YIPF2: variants seen among roughly 807,000 people sequenced by gnomAD.
The protein encoded by YIPF2 is Yip1 domain family member 2, also known as protein YIPF2.
A neutral mutation model predicts 38.8 loss-of-function variants in YIPF2; 30 were observed. The ratio of observed to expected loss-of-function variants is 0.77; its 90% confidence interval spans 0.58 to 1.05. The LOEUF is 1.05. Among genes scored for constraint, YIPF2 ranks in the 50% least tolerant of loss-of-function variants. The probability of loss-of-function intolerance (pLI) is 0.00; values close to 1 mark genes in which losing one functional copy is unlikely to be tolerated. For synonymous variants in YIPF2, 194 were observed against 183.8 expected (o/e 1.06, Z -0.45); for missense variants, 401 against 409.7 (o/e 0.98, Z 0.18).
At chr19:10,926,803 G>A (rs982340529) in intron 4 of YIPF2, among the ~76,000 whole-genome samples, 1 of 151,920 alleles carries the variant, frequency 6.6e-6, no homozygotes, top group Non-Finnish European at 1.5e-5. Context: ...TAGGATTACA[G>A]GCGCCGACCA....
rs566835977 is a variant in YIPF2, at chr19:10,928,092, A to G, written c.32-133T>C. 4.5e-6 allele frequency: 6 copies of G among 1,332,722 alleles called. No individual in the cohort carries two copies. In the East Asian group the frequency reaches 7.0e-5, roughly 16 times the overall value. 82.6% of individuals were successfully genotyped at this position (1,332,722 alleles called of 1,614,324 possible). Reference sequence around the variant, plus strand: ...TTGATCTCCCCCAAGGTGGGGCCCAACTTCCTCAGTTTGGAGGCATCCGGA... The same window carrying G: ...TTGATCTCCCCCAAGGTGGGGCCCAGCTTCCTCAGTTTGGAGGCATCCGGA... On this transcript the variant is annotated intron_variant, in intron 2 of 9. Coordinates refer to ENST00000586748, the MANE Select transcript of YIPF2 (RefSeq NM_001321439.2).
At chr19:10,927,751 A>T in intron 3 of YIPF2, 35 bp from the exon 4 acceptor site, 1 of 1,611,128 alleles carries the variant, frequency 6.2e-7, no homozygotes. Flanking sequence ...CTGCCCGGAG[A>T]GCCTGGGTCA....
At chr19:10,925,139 G>A (rs1190111915) in intron 5 of YIPF2, among the ~76,000 whole-genome samples, 1 of 151,928 alleles carries the variant, frequency 6.6e-6, no homozygotes, top group Non-Finnish European at 1.5e-5. Flanking sequence ...GGCTGAAGCA[G>A]GAGAATCGCT....
intron 2 of YIPF2, 46 bp from the exon 3 acceptor site, chr19:10,928,005 A>C: frequency 6.3e-7 from 1 of 1,575,048 alleles, no homozygotes; most frequent in East Asian, 2.3e-5. Context: ...AGGGGTGGAA[A>C]GAACTCGACT....
At chr19:10,926,669 GGTGTGT>G (rs2083430626) in intron 4 of YIPF2, among the ~76,000 whole-genome samples, 1 of 151,538 alleles carries the variant, frequency 6.6e-6, no homozygotes, top group Non-Finnish European at 1.5e-5. Context: ...TGGGACTACA[GGTGTGT>G]GCCACCATGC....
Position 10,923,621 on chromosome 19 carries a change from C to T in YIPF2, c.708G>A (p.Leu236=), listed in dbSNP as rs901919469. ...ATACCAGCCCGGCGGCTGACAGGCCCAGGGCCAGCGCCCCAAAGAGCCACT... is the reference window on the plus strand; with the variant it reads ...ATACCAGCCCGGCGGCTGACAGGCCTAGGGCCAGCGCCCCAAAGAGCCACT... ...WLQWLFGALA[L]GLSAAGLVFT... is the part of the protein sequence containing the mutation. The change falls in exon 8 of 10, where the codon CTG becomes CTA. Residue 236 remains leucine (L), a synonymous_variant. Coordinates refer to ENST00000586748, the MANE Select transcript of YIPF2 (RefSeq NM_001321439.2). 6.2e-7 allele frequency: 1 copy of T among 1,612,960 alleles called. No individual in the cohort carries two copies. The highest frequency in any genetic ancestry group is 8.5e-7 in the Non-Finnish European group (1 of 1,179,574).
Position 10,925,746 on chromosome 19 carries a change from G to C in YIPF2, c.307C>G (p.Leu103Val). The C allele has an allele frequency of 6.2e-7, 1 of 1,613,884 alleles. No homozygotes were observed. Among genetic ancestry groups the C allele is most frequent in the South Asian group, 1.1e-5 (1 of 91,078 alleles). Reference protein sequence around the residue: ...QVLDRIKGSLLPRPGHNFVRH... With the variant: ...QVLDRIKGSLVPRPGHNFVRH... Reference sequence around the variant, plus strand: ...ACAAAGTTGTGGCCAGGCCGGGGCAGCAGTGAGCCTTTGATCCGGTCCAGG... The same window carrying C: ...ACAAAGTTGTGGCCAGGCCGGGGCACCAGTGAGCCTTTGATCCGGTCCAGG... The change falls in exon 5 of 10, where the codon CTG becomes GTG. Residue 103 changes from leucine to valine, a missense_variant. Physicochemically the swap from Leu to Val is conservative, Grantham distance 32. Transcript: ENST00000586748.
chr19:10,927,702 C>T lies in YIPF2; in HGVS notation c.207G>A (p.Gln69=). The T allele has an allele frequency of 2.5e-6, 4 of 1,613,572 alleles. No homozygotes were observed. Among genetic ancestry groups the T allele is most frequent in the Non-Finnish European group, 3.4e-6 (4 of 1,180,024 alleles). The change falls in exon 4 of 10, where the codon CAG becomes CAA. Residue 69 remains glutamine, a synonymous_variant. Transcript: ENST00000586748. The part of the protein sequence containing the change: ...ESDKAALLQE[Q]QQQQQPGFWT... Reference sequence around the variant, plus strand: ...AGAATCCCGGCTGCTGCTGCTGCTGCTGCTCCTGCAGGAGCTGCACATTGC... The same window carrying T: ...AGAATCCCGGCTGCTGCTGCTGCTGTTGCTCCTGCAGGAGCTGCACATTGC...
At chr19:10,924,312 C>A in intron 5 of YIPF2, 120 bp from the exon 6 acceptor site, 1 of 888,938 alleles carries the variant, frequency 1.1e-6, no homozygotes, top group Non-Finnish European at 1.7e-6. Context: ...CCTGACTCAC[C>A]AGGACACCGG....
At position 10,922,696 on chromosome 19, in the gene YIPF2, G is replaced by T. The variant is rs1272635524; in HGVS notation, c.*498C>A. ...TCCATCCCTCCCCTGCCCGGGAAGG[G>T]ACCTTGCAGGGACCTCTCCCTCCAA... On this transcript the variant is annotated 3_prime_UTR_variant, in exon 10 of 10. Transcript: ENST00000586748. 1.3e-5 allele frequency: 2 copies of T among 152,326 alleles called. No individual in the cohort carries two copies. The highest frequency in any genetic ancestry group is 4.8e-5 in the African/African-American group (2 of 41,400). 9.4% of individuals were successfully genotyped at this position (152,326 alleles called of 1,614,324 possible).
Position 10,928,538 on chromosome 19 carries a change from T to A in YIPF2, c.-58A>T. ...GGCGACCAACTGCACCCACGGAGGC[T>A]TGAACTCGTCGTCCCGTCCCCACAG... On this transcript the variant is annotated 5_prime_UTR_variant, in exon 1 of 10. The change creates a new upstream start codon in the 5' untranslated region. Transcript: ENST00000586748. 1 of 1,243,700 alleles carries A rather than the reference T, an allele frequency of 8.0e-7. No homozygotes were observed. Among genetic ancestry groups the A allele is most frequent in the Non-Finnish European group, 1.0e-6 (1 of 953,466 alleles). The allele number at this position is 1,243,700 out of a possible 1,614,324, so 77.0% of individuals were successfully genotyped here.
In YIPF2 at chr19:10,923,597, T is replaced by C. The variant is rs769392870; in HGVS notation, c.732A>G (p.Val244=). The C allele has an allele frequency of 2.9e-5, 46 of 1,612,808 alleles. 1 individual carries two copies. The highest frequency in any genetic ancestry group is 1.7e-5 in the Admixed American group (1 of 59,964). The change falls in exon 8 of 10, where the codon GTA becomes GTG. Residue 244 remains valine, a synonymous_variant. Coordinates refer to ENST00000586748, the MANE Select transcript of YIPF2 (RefSeq NM_001321439.2). ...CACGGACCACGGGCCAGAGGGTGAA[T>C]ACCAGCCCGGCGGCTGACAGGCCCA... The part of the protein sequence containing the change: ...LALGLSAAGL[V]FTLWPVVRED...
In YIPF2 at chr19:10,923,400, A is replaced by G. The variant is rs1199421167; in HGVS notation, c.842T>C (p.Phe281Ser). 8 of 1,613,474 alleles carry G rather than the reference A, an allele frequency of 5.0e-6. No individual in the cohort carries two copies. The highest frequency in any genetic ancestry group is 6.8e-6 in the Non-Finnish European group (8 of 1,179,748). ...ALLAMGCKLY[F>S]FQSLPPENVA... ...GTTCTCCGGAGGCAGCGACTGGAAG[A>G]AGTACAACTGCACAAGACCCCTGGG... The change falls in exon 9 of 10, where the codon TTC (phenylalanine) becomes TCC (serine). Residue 281 changes from phenylalanine (F) to serine (S), a missense_variant. Coordinates refer to ENST00000586748, the MANE Select transcript of YIPF2 (RefSeq NM_001321439.2).
rs779566558 is a variant in YIPF2, at chr19:10,923,138, C to T, written c.*56G>A. 3.8e-5 allele frequency: 25 copies of T among 659,374 alleles called. No homozygotes were observed. The East Asian group carries it at 6.9e-4, about 18-fold the overall frequency. The allele number at this position is 659,374 out of a possible 1,614,324, so 40.8% of individuals were successfully genotyped here. ...GAGCCTTCAGTCATCGTCTGGGGGG[C>T]AGGACAGGCAGAGGGGTTGGTCCAC... On this transcript the variant is annotated 3_prime_UTR_variant, in exon 10 of 10. Coordinates refer to ENST00000586748, the MANE Select transcript of YIPF2 (RefSeq NM_001321439.2).
chr19:10,926,533 C>T (rs1384769503), intron 4 of YIPF2, among the ~76,000 whole-genome samples: 1 of 151,422 alleles, frequency 6.6e-6, no homozygotes. Flanking sequence ...GCCTCAGCAC[C>T]CCCTTTTTCT....
chr19:10,923,363 TGGA>T lies in YIPF2; in HGVS notation c.876_878del (p.Pro294del). The T allele has an allele frequency of 6.2e-7, 1 of 1,613,406 alleles. No individual in the cohort carries two copies. Among genetic ancestry groups the T allele is most frequent in the Admixed American group, 1.7e-5 (1 of 59,900 alleles). ...TTGAGGGCAGAGATGTGATTTGGGG[TGGA>T]GGAGCCACGTTCTCCGGAGGCAGCG... On this transcript the variant is annotated inframe_deletion, in exon 9 of 10. Coordinates refer to ENST00000586748, the MANE Select transcript of YIPF2 (RefSeq NM_001321439.2).
chr19:10,926,541 T>C (rs1473739908), intron 4 of YIPF2, among the ~76,000 whole-genome samples: 1 of 151,910 alleles, frequency 6.6e-6, no homozygotes, highest in African/African-American at 2.4e-5. Context: ...ACCCCCTTTT[T>C]CTTTTTGAGA....
At chr19:10,924,353 C>T (rs1019169605) in intron 5 of YIPF2, among the ~76,000 whole-genome samples, 161 bp from the exon 6 acceptor site, 3 of 152,148 alleles carry the variant, frequency 2.0e-5, no homozygotes, top group African/African-American at 7.2e-5. Flanking sequence ...CCAGTGCTGG[C>T]TGTCAGTTCA....
At chr19:10,927,482 C>T (rs773264737) in intron 4 of YIPF2, 148 bp downstream of exon 4, 38 of 1,044,106 alleles carry the variant, frequency 3.6e-5, no homozygotes, top group Non-Finnish European at 4.8e-5. Flanking sequence ...CCCATAGTCC[C>T]GATCCATAAC....
Sources: allele counts gnomAD v4.1 joint callset (sites outside exome capture counted in the v4.1 genomes callset), GRCh38; gene constraint gnomAD v4.1.1; transcripts MANE v1.5; gene names NCBI Gene and HGNC (gene_info 2026-07-23, HGNC 2026-07-21).